The following TRIM9 variants were observed in gnomAD, a reference collection of about 807,000 sequenced individuals.
TRIM9 encodes tripartite motif containing 9.
Under a neutral mutation model 78.3 loss-of-function variants are expected in TRIM9, and 26 were observed. The ratio of observed to expected loss-of-function variants is 0.33; its 90% confidence interval spans 0.24 to 0.46. TRIM9 has a LOEUF of 0.46. Ranked by LOEUF, TRIM9 falls within the 20% of genes least tolerant of loss-of-function variation. The pLI is 1.00. For synonymous variants in TRIM9, 398 were observed against 416.5 expected, an observed-to-expected ratio of 0.96 and a Z score of 0.54; for missense variants, 787 against 1,036.4, an observed-to-expected ratio of 0.76 and a Z score of 3.30.
chr14:51,036,581 T>C (rs77544274), intron 1 of TRIM9, among the ~76,000 whole-genome samples: 12,091 of 152,224 alleles, frequency 0.079, 579 homozygotes, highest in Middle Eastern at 0.13. Flanking sequence ...CCTAATACAA[T>C]GTAAGTACTA....
chr14:50,979,787 C>T (rs1334197685), intron 11 of TRIM9, among the ~76,000 whole-genome samples: 2 of 152,132 alleles, frequency 1.3e-5, no homozygotes, highest in African/African-American at 4.8e-5. Context: ...TTGCTCCCTC[C>T]CTGCCACCAT....
At chr14:51,069,418 A>G (rs1416035164) in intron 1 of TRIM9, among the ~76,000 whole-genome samples, 3 of 152,108 alleles carry the variant, frequency 2.0e-5, no homozygotes, top group Admixed American at 1.3e-4. Context: ...ACAGGTATCT[A>G]GAGGCCAGGA....
intron 3 of TRIM9, among the ~76,000 whole-genome samples, chr14:51,016,389 A>C (rs2057194468): frequency 6.6e-6 from 1 of 152,034 alleles, no homozygotes; most frequent in Admixed American, 6.5e-5. Flanking sequence ...CAAGGGATCT[A>C]GGTTGCCCGC....
Position 50,982,112 on chromosome 14 carries a change from A to G in TRIM9, c.1859-9T>C, listed in dbSNP as rs763041893. The G allele has an allele frequency of 1.2e-6, 2 of 1,613,000 alleles. No individual in the cohort carries two copies. The highest frequency in any genetic ancestry group is 1.3e-5 in the African/African-American group (1 of 74,874). On this transcript the variant is annotated splice_polypyrimidine_tract_variant and intron_variant, in intron 10 of 12. Transcript: ENST00000684578. ...GAAAGCAAACCAGGCCACTGGGAAC[A>G]ACAGAAGGGAATCAGGTTATTAAGA...
intron 1 of TRIM9, among the ~76,000 whole-genome samples, chr14:51,081,800 CA>C (rs1341257072): frequency 6.6e-6 from 1 of 152,228 alleles, no homozygotes; most frequent in African/African-American, 2.4e-5. Context: ...AACTCAGGAA[CA>C]GCCAAATGGC....
At chr14:51,018,066 G>C (rs2057384588) in intron 3 of TRIM9, among the ~76,000 whole-genome samples, 1 of 152,116 alleles carries the variant, frequency 6.6e-6, no homozygotes, top group Non-Finnish European at 1.5e-5. Context: ...TTCTGCTGAG[G>C]GCAGTTGAAA....
Position 51,000,819 on chromosome 14 carries a change from G to T in TRIM9, c.1328C>A (p.Thr443Asn). Residue 443 changes from threonine (T) to asparagine (N), a missense_variant, in exon 6 of 13, where the codon ACC becomes AAC. This residue lies in a region of TRIM9 where 421 missense variants were observed against 514.3 expected (regional missense o/e 0.82). Coordinates refer to ENST00000684578, the MANE Select transcript of TRIM9 (RefSeq NM_001387360.1). ...ACATTCCTCCAGCTGTAGGATAGGG[G>T]TTGCTGGGACTGGAGAGGAAGCTAA... ...QVKASSPVPATPILQLEECCT... is the reference protein window; with the variant it reads ...QVKASSPVPANPILQLEECCT... 6.2e-7 allele frequency: 1 copy of T among 1,614,198 alleles called. No individual in the cohort carries two copies. The highest frequency in any genetic ancestry group is 8.5e-7 in the Non-Finnish European group (1 of 1,180,026).
At chr14:51,081,613 T>C (rs893253497) in intron 1 of TRIM9, among the ~76,000 whole-genome samples, 1 of 152,192 alleles carries the variant, frequency 6.6e-6, no homozygotes, top group Non-Finnish European at 1.5e-5. Flanking sequence ...TCCCACAGGA[T>C]TGCCCTCACT....
intron 1 of TRIM9, among the ~76,000 whole-genome samples, chr14:51,048,473 C>T (rs1566613988): frequency 6.6e-6 from 1 of 152,214 alleles, no homozygotes; most frequent in African/African-American, 2.4e-5. Flanking sequence ...CCTGTCCATC[C>T]ATCAAATCCT....
intron 6 of TRIM9, among the ~76,000 whole-genome samples, chr14:50,999,949 C>T (rs1439584879): frequency 1.3e-5 from 2 of 152,190 alleles, no homozygotes; most frequent in East Asian, 3.9e-4. Flanking sequence ...GCCATTCTGT[C>T]CTGCCTTCAG....
At chr14:51,002,960 T>C (rs1010854640) in intron 5 of TRIM9, among the ~76,000 whole-genome samples, 5 of 152,194 alleles carry the variant, frequency 3.3e-5, no homozygotes, top group African/African-American at 1.2e-4. Flanking sequence ...GAGCTACAGC[T>C]ACTGCAGGCT....
chr14:51,036,050 G>C (rs2059119866), intron 1 of TRIM9, among the ~76,000 whole-genome samples: 2 of 152,208 alleles, frequency 1.3e-5, no homozygotes, highest in East Asian at 3.9e-4. Flanking sequence ...AAGCCACAGA[G>C]ACTTGGCAAA....
At chr14:50,996,754 T>C in intron 7 of TRIM9, 1 of 985,420 alleles carries the variant, frequency 1.0e-6, no homozygotes, top group Non-Finnish European at 1.2e-6. Flanking sequence ...GCTAAAATGA[T>C]AATTCTGGGG....
chr14:51,023,525 C>A (rs2057954240), intron 2 of TRIM9, among the ~76,000 whole-genome samples: 1 of 152,108 alleles, frequency 6.6e-6, no homozygotes, highest in African/African-American at 2.4e-5. Flanking sequence ...CAGGGATCAC[C>A]CTGCCATAAA....
intron 1 of TRIM9, among the ~76,000 whole-genome samples, chr14:51,071,336 A>G (rs1249591491): frequency 6.8e-6 from 1 of 147,310 alleles, no homozygotes; most frequent in East Asian, 2.1e-4. Context: ...AGACTGCGCC[A>G]TTGTATTCCA....
intron 1 of TRIM9, among the ~76,000 whole-genome samples, chr14:51,051,955 C>A (rs2060461322): frequency 6.8e-6 from 1 of 147,484 alleles, no homozygotes; most frequent in Non-Finnish European, 1.5e-5. Flanking sequence ...CAACAGAGAC[C>A]CTGTCTTGAA....
intron 8 of TRIM9, among the ~76,000 whole-genome samples, chr14:50,983,688 C>G (rs1033751424): frequency 6.6e-6 from 1 of 152,142 alleles, no homozygotes; most frequent in Non-Finnish European, 1.5e-5. Context: ...CTTCCAAGTT[C>G]AATCTTTTCC....
intron 1 of TRIM9, among the ~76,000 whole-genome samples, chr14:51,036,294 ATTTG>A (rs1332101696): frequency 1.3e-5 from 2 of 152,242 alleles, no homozygotes; most frequent in African/African-American, 2.4e-5. Flanking sequence ...ACAAATAAGA[ATTTG>A]TTTTTGTTTT....
chr14:51,059,672 C>T (rs1009330971), intron 1 of TRIM9, among the ~76,000 whole-genome samples: 1 of 152,000 alleles, frequency 6.6e-6, no homozygotes, highest in Non-Finnish European at 1.5e-5. Context: ...GTGGCACACA[C>T]CTGCAGTCCT....
Sources: allele counts gnomAD v4.1 joint callset (sites outside exome capture counted in the v4.1 genomes callset), GRCh38; gene constraint gnomAD v4.1.1; regional missense constraint gnomAD v4.1.1; transcripts MANE v1.5; gene names NCBI Gene and HGNC (gene_info 2026-07-23, HGNC 2026-07-21).